The following CNTNAP3B variants were observed in gnomAD, a reference collection of about 807,000 sequenced individuals.
The protein encoded by CNTNAP3B is contactin-associated protein-like 3B.
A neutral mutation model predicts 108.9 loss-of-function variants in CNTNAP3B; 25 were observed. That is an observed-to-expected ratio of 0.23 (90% confidence interval 0.17 to 0.32). CNTNAP3B has a LOEUF of 0.32. Among genes scored for constraint, CNTNAP3B ranks in the 10% least tolerant of loss-of-function variants. The pLI is 1.00. For missense variants in CNTNAP3B, 252 were observed against 1,210.4 expected, an observed-to-expected ratio of 0.21 and a Z score of 11.75; for synonymous variants, 103 against 473.4, an observed-to-expected ratio of 0.22 and a Z score of 10.16.
At chr9:42,115,989 G>C (rs1380733450) in intron 1 of CNTNAP3B, among the ~76,000 whole-genome samples, 1 of 137,964 alleles carries the variant, frequency 7.2e-6, no homozygotes, top group Non-Finnish European at 1.5e-5. Flanking sequence ...TTAGACGAAT[G>C]GCTAACTAGA....
At chr9:41,963,456 C>T (rs1349243481) in intron 11 of CNTNAP3B, among the ~76,000 whole-genome samples, 1 of 149,768 alleles carries the variant, frequency 6.7e-6, no homozygotes, top group Non-Finnish European at 1.5e-5. Context: ...AACGGCATGG[C>T]CTTTGAAATT....
chr9:41,938,977 G>C (rs1446708534), intron 13 of CNTNAP3B, among the ~76,000 whole-genome samples: 2 of 152,128 alleles, frequency 1.3e-5, no homozygotes, highest in African/African-American at 2.4e-5. Flanking sequence ...CATCTCTGAG[G>C]TTAGAAATTT....
intron 2 of CNTNAP3B, among the ~76,000 whole-genome samples, chr9:42,087,255 A>G: frequency 7.2e-6 from 1 of 138,272 alleles, no homozygotes; most frequent in Non-Finnish European, 1.6e-5. Context: ...TTATCCATAC[A>G]CAATAATGTA....
chr9:42,097,032 G>A (rs1237048971), intron 2 of CNTNAP3B, among the ~76,000 whole-genome samples: 4 of 138,018 alleles, frequency 2.9e-5, no homozygotes, highest in East Asian at 4.4e-4. Flanking sequence ...GATTACAGGC[G>A]TGAACCACTG....
chr9:41,954,751 T>G (rs1472445906), intron 12 of CNTNAP3B, among the ~76,000 whole-genome samples: 2 of 152,274 alleles, frequency 1.3e-5, no homozygotes, highest in African/African-American at 4.8e-5. Context: ...TGGCGCTATC[T>G]CAGCTCACTG....
intron 12 of CNTNAP3B, among the ~76,000 whole-genome samples, chr9:41,959,762 C>T (rs1450610371): frequency 6.6e-6 from 1 of 152,312 alleles, no homozygotes; most frequent in Non-Finnish European, 1.5e-5. Context: ...CATGTAATTT[C>T]AGTTATTTGT....
chr9:42,090,961 A>AAT (rs1171399773), intron 2 of CNTNAP3B, among the ~76,000 whole-genome samples: 546 of 38,486 alleles, frequency 0.014, 78 homozygotes, highest in African/African-American at 0.039. Context: ...ACTCTCTCTA[A>AAT]ATATATATAT....
At chr9:41,944,388 T>C (rs1445251436) in intron 13 of CNTNAP3B, among the ~76,000 whole-genome samples, 1 of 149,178 alleles carries the variant, frequency 6.7e-6, no homozygotes, top group African/African-American at 2.5e-5. Context: ...TGAATGATAA[T>C]AATGTAATAC....
At chr9:42,112,868 G>GAT (rs1828223075) in intron 1 of CNTNAP3B, among the ~76,000 whole-genome samples, 1 of 95,516 alleles carries the variant, frequency 1.0e-5, no homozygotes, top group African/African-American at 4.4e-5. Context: ...AGTTTACAGA[G>GAT]TTTTTTTTTT....
intron 13 of CNTNAP3B, among the ~76,000 whole-genome samples, chr9:41,945,472 T>G (rs1297778109): frequency 6.6e-6 from 1 of 152,310 alleles, no homozygotes; most frequent in Non-Finnish European, 1.5e-5. Context: ...TGTAGGGCCA[T>G]GGATGAAGCT....
intron 7 of CNTNAP3B, among the ~76,000 whole-genome samples, chr9:41,995,486 A>C (rs1485315228): frequency 7.5e-6 from 1 of 133,158 alleles, no homozygotes; most frequent in African/African-American, 3.1e-5. Context: ...CTGTGGTCCT[A>C]TCACTTTGGG....
At chr9:41,932,932 T>A (rs1824026454) in intron 14 of CNTNAP3B, among the ~76,000 whole-genome samples, 1 of 152,310 alleles carries the variant, frequency 6.6e-6, no homozygotes, top group East Asian at 1.9e-4. Flanking sequence ...ATTGCCTATC[T>A]TCTGGCCAGT....
chr9:42,054,928 A>G (rs1827034236), intron 3 of CNTNAP3B, among the ~76,000 whole-genome samples: 1 of 145,736 alleles, frequency 6.9e-6, no homozygotes, highest in Non-Finnish European at 1.5e-5. Context: ...TTGAAAGCCC[A>G]TGAAAGTCTT....
At chr9:41,969,325 T>C (rs1587161805) in intron 10 of CNTNAP3B, among the ~76,000 whole-genome samples, 2 of 149,810 alleles carry the variant, frequency 1.3e-5, no homozygotes, top group African/African-American at 2.5e-5. Context: ...TTTCATTGAG[T>C]ATGTCCTTCT....
chr9:41,968,106 G>A (rs1459472611), intron 10 of CNTNAP3B, among the ~76,000 whole-genome samples: 3 of 152,210 alleles, frequency 2.0e-5, no homozygotes, highest in African/African-American at 7.2e-5. Flanking sequence ...CACAAAGCAG[G>A]CAAAATGGAT....
intron 4 of CNTNAP3B, among the ~76,000 whole-genome samples, chr9:41,999,532 T>TAC (rs1326595626): frequency 3.4e-5 from 4 of 118,902 alleles, no homozygotes; most frequent in African/African-American, 1.1e-4. Context: ...TCTCTCTCTC[T>TAC]ACACACACAC....
intron 3 of CNTNAP3B, among the ~76,000 whole-genome samples, chr9:42,049,508 A>G (rs1826936101): frequency 7.5e-6 from 1 of 133,948 alleles, no homozygotes; most frequent in African/African-American, 3.0e-5. Flanking sequence ...CAGGTTCTGC[A>G]AACAGCTGAC....
At chr9:41,966,192 C>T (rs1309654729) in intron 10 of CNTNAP3B, among the ~76,000 whole-genome samples, 3 of 152,300 alleles carry the variant, frequency 2.0e-5, no homozygotes, top group Non-Finnish European at 4.4e-5. Context: ...CCTTCTCCCC[C>T]TCCTCCCCTT....
chr9:41,929,391 A>G lies in CNTNAP3B; in HGVS notation c.2291T>C (p.Ile764Thr). ...TGGTTGGCCTGTGTCTGTCATCACA[A>G]TCTGAGTGACTGGGAGGTGCTCCTT... The part of the protein sequence containing the change: ...SQKEHLPVTQ[I>T]VMTDTGQPHS... The change falls in exon 15 of 24, where the codon ATT becomes ACT. Residue 764 changes from isoleucine (I) to threonine (T), a missense_variant. Coordinates refer to ENST00000377561, the MANE Select transcript of CNTNAP3B (RefSeq NM_001201380.3). 6.5e-7 allele frequency: 1 copy of G among 1,543,302 alleles called. No individual in the cohort carries two copies. Among genetic ancestry groups the G allele is most frequent in the Non-Finnish European group, 8.8e-7 (1 of 1,138,920 alleles).
Sources: gnomAD v4.1 joint callset for allele counts (sites outside exome capture counted in the v4.1 genomes callset) on GRCh38, gnomAD v4.1.1 for gene constraint, MANE v1.5 for transcripts, NCBI Gene and HGNC (gene_info 2026-07-23, HGNC 2026-07-21) for gene names.